The following NAALADL2 variants were observed in gnomAD, a reference collection of about 807,000 sequenced individuals.
The protein encoded by NAALADL2 is inactive N-acetylated-alpha-linked acidic dipeptidase-like protein 2.
NAALADL2 carries 76 observed loss-of-function variants against 87.2 expected under a neutral mutation model. The ratio of observed to expected loss-of-function variants is 0.87; its 90% CI spans 0.72 to 1.05. The LOEUF (loss-of-function observed/expected upper bound fraction) is 1.05, where lower values mean the gene tolerates loss of function less well. Ranked by LOEUF, NAALADL2 falls within the 50% of genes least tolerant of loss-of-function variation. NAALADL2 has a pLI of 0.00. For synonymous variants in NAALADL2, 354 were observed against 331.0 expected (o/e 1.07, Z -0.75); for missense variants, 1,089 against 945.8 (o/e 1.15, Z -1.99).
At chr3:175,415,954 T>TA (rs58764853) in intron 5 of NAALADL2, among the ~76,000 whole-genome samples, 1,416 of 133,572 alleles carry the variant, frequency 0.011, 25 homozygotes, top group African/African-American at 0.033. Context: ...TGTCTCTATT[T>TA]AAAAAAAAAA....
chr3:175,431,551 G>A (rs1560539120), intron 5 of NAALADL2, among the ~76,000 whole-genome samples: 1 of 151,850 alleles, frequency 6.6e-6, no homozygotes, highest in Non-Finnish European at 1.5e-5. Context: ...TCACTTTATG[G>A]CCTGGGAAAC....
chr3:174,849,442 A>G (rs2109465476), intron 3 of NAALADL2, among the ~76,000 whole-genome samples: 1 of 152,082 alleles, frequency 6.6e-6, no homozygotes, highest in South Asian at 2.1e-4. Context: ...TTTTTTTGCT[A>G]AAAATGAAGA....
chr3:175,327,148 C>CTCTTTTTTTTTTTTT (rs1760811308), intron 5 of NAALADL2, among the ~76,000 whole-genome samples: 6 of 99,514 alleles, frequency 6.0e-5, no homozygotes, highest in African/African-American at 2.5e-4. Context: ...GTCTACATTT[C>CTCTTTTTTTTTTTTT]TTTTTTTTTT....
At chr3:174,456,904 T>C (rs1715876191) in intron 1 of NAALADL2, among the ~76,000 whole-genome samples, 1 of 152,046 alleles carries the variant, frequency 6.6e-6, no homozygotes, top group Non-Finnish European at 1.5e-5. Context: ...CAAAAGAAAC[T>C]ATCAACAGAG....
chr3:174,487,700 T>G (rs1404035062), intron 1 of NAALADL2, among the ~76,000 whole-genome samples: 2 of 151,724 alleles, frequency 1.3e-5, no homozygotes, highest in Non-Finnish European at 2.9e-5. Flanking sequence ...AGAGTGTTTT[T>G]TTTTTTTTTA....
chr3:175,013,295 A>T (rs868247008), intron 1 of NAALADL2, among the ~76,000 whole-genome samples: 4,027 of 77,204 alleles, frequency 0.052, 231 homozygotes, highest in African/African-American at 0.17. Flanking sequence ...ATATATATAT[A>T]TATATATTTT....
chr3:174,808,991 G>T (rs529483920), intron 3 of NAALADL2, among the ~76,000 whole-genome samples: 1 of 152,194 alleles, frequency 6.6e-6, no homozygotes, highest in Non-Finnish European at 1.5e-5. Context: ...TAGAACCACA[G>T]AATTCTGTAA....
chr3:175,245,882 A>G (rs994506072), intron 3 of NAALADL2, among the ~76,000 whole-genome samples: 5 of 152,086 alleles, frequency 3.3e-5, no homozygotes, highest in African/African-American at 4.8e-5. Context: ...TATTTTAAAT[A>G]CCTCTCCTCT....
intron 4 of NAALADL2, among the ~76,000 whole-genome samples, chr3:175,280,880 C>T (rs1381129876): frequency 2.0e-5 from 3 of 151,908 alleles, no homozygotes; most frequent in Admixed American, 6.6e-5. Context: ...GCTACATCAG[C>T]GTATAAGTTT....
intron 13 of NAALADL2, among the ~76,000 whole-genome samples, chr3:175,774,594 AT>A (rs896003932): frequency 3.3e-5 from 5 of 151,916 alleles, no homozygotes; most frequent in Admixed American, 2.0e-4. Context: ...ATTCTAAATA[AT>A]TTTTTTAAGG....
At chr3:175,666,460 A>G (rs897312418) in intron 11 of NAALADL2, among the ~76,000 whole-genome samples, 1 of 152,184 alleles carries the variant, frequency 6.6e-6, no homozygotes, top group Admixed American at 6.5e-5. Context: ...ATGTTTTCCA[A>G]AAGAACTGTT....
At chr3:175,449,173 G>T (rs1721154426) in intron 6 of NAALADL2, among the ~76,000 whole-genome samples, 1 of 152,042 alleles carries the variant, frequency 6.6e-6, no homozygotes, top group Admixed American at 6.6e-5. Flanking sequence ...CAAACCCCTG[G>T]GCTCAAGTGA....
intron 11 of NAALADL2, among the ~76,000 whole-genome samples, chr3:175,705,962 A>C (rs1372550613): frequency 6.6e-6 from 1 of 152,166 alleles, no homozygotes; most frequent in Non-Finnish European, 1.5e-5. Context: ...CAAAGGAAGT[A>C]ACATGGCATT....
In NAALADL2 at chr3:174,982,527, T is replaced by C. The variant is rs190478126; in HGVS notation, c.44-114263T>C. On this transcript the variant is annotated intron_variant, in intron 1 of 13. Coordinates refer to ENST00000454872, the MANE Select transcript of NAALADL2 (RefSeq NM_207015.3). ...ATGAACTGATTATATATTTAATCCC[T>C]ACACAAACATTTCTCCAAGTTTAAC... Among the ~76,000 whole-genome samples the C allele has an allele frequency of 1.1e-4, 17 of 152,336 alleles. No individual in the cohort carries two copies. The East Asian group carries it at 3.3e-3, about 29-fold the overall frequency.
intron 2 of NAALADL2, among the ~76,000 whole-genome samples, chr3:174,555,160 T>C (rs1578157307): frequency 6.6e-6 from 1 of 152,182 alleles, no homozygotes; most frequent in South Asian, 2.1e-4. Flanking sequence ...AAAAATAGTA[T>C]CTTTTCCTTA....
chr3:174,837,343 C>A (rs145499210), intron 3 of NAALADL2, among the ~76,000 whole-genome samples: 1 of 152,118 alleles, frequency 6.6e-6, no homozygotes, highest in African/African-American at 2.4e-5. Context: ...TACAAAAGAT[C>A]GTTCAAGGCT....
At chr3:174,844,832 A>G (rs1314704500) in intron 3 of NAALADL2, among the ~76,000 whole-genome samples, 1 of 86,878 alleles carries the variant, frequency 1.2e-5, no homozygotes, top group Admixed American at 1.1e-4. Context: ...ATTAGTTCTA[A>G]TGGTTTTTTT....
intron 5 of NAALADL2, among the ~76,000 whole-genome samples, chr3:175,364,415 C>G (rs930885726): frequency 2.0e-5 from 3 of 147,772 alleles, no homozygotes; most frequent in African/African-American, 7.4e-5. Flanking sequence ...TAGCAAATTT[C>G]AGGTTCTGAG....
chr3:174,875,371 C>T (rs567612997), intron 1 of NAALADL2, among the ~76,000 whole-genome samples: 5 of 152,042 alleles, frequency 3.3e-5, no homozygotes, highest in South Asian at 2.1e-4. Flanking sequence ...TTACTATGTA[C>T]ACACATACAT....
Sources: allele counts gnomAD v4.1 joint callset (sites outside exome capture counted in the v4.1 genomes callset), GRCh38; gene constraint gnomAD v4.1.1; transcripts MANE v1.5; gene names NCBI Gene and HGNC (gene_info 2026-07-23, HGNC 2026-07-21).